EGFR: variants seen among roughly 807,000 people sequenced by gnomAD.
EGFR encodes avian erythroblastic leukemia viral (v-erb-b) oncogene homolog.
A neutral mutation model predicts 143.0 loss-of-function variants in EGFR; 58 were observed. The observed-to-expected ratio is 0.41, with a 90% CI of 0.33 to 0.50. The LOEUF is 0.50. EGFR is among the 20% of genes least tolerant of loss of function. The pLI is 0.39. For missense variants in EGFR, 1,307 were observed against 1,579.0 expected, an observed-to-expected ratio of 0.83 and a Z score of 2.92; for synonymous variants, 613 against 594.4, an observed-to-expected ratio of 1.03 and a Z score of -0.45.
intron 15 of EGFR, chr7:55,166,448 A>T: frequency 2.0e-6 from 1 of 491,434 alleles, no homozygotes; most frequent in Admixed American, 2.6e-5. Context: ...GTAAATTGGG[A>T]TAATAATGCT....
chr7:55,124,656 G>A (rs370964470), intron 1 of EGFR, among the ~76,000 whole-genome samples: 56 of 152,252 alleles, frequency 3.7e-4, no homozygotes, highest in Admixed American at 8.5e-4. Context: ...GTCAGGATCC[G>A]TTCCCTTCTG....
intron 1 of EGFR, among the ~76,000 whole-genome samples, chr7:55,083,517 T>C (rs1790587283): frequency 6.6e-6 from 1 of 152,180 alleles, no homozygotes; most frequent in African/African-American, 2.4e-5. Flanking sequence ...AAACACATGG[T>C]TGGTCACTCT....
chr7:55,051,503 TG>T (rs35450636), intron 1 of EGFR, among the ~76,000 whole-genome samples: 39,275 of 151,962 alleles, frequency 0.26, 6,839 homozygotes, highest in East Asian at 0.84. Context: ...CCTTCTGCCG[TG>T]GGGTGACACA....
chr7:55,184,105 G>T (rs1382009201), intron 20 of EGFR, among the ~76,000 whole-genome samples: 4 of 152,238 alleles, frequency 2.6e-5, no homozygotes, highest in African/African-American at 9.6e-5. Context: ...CACGTTGCTG[G>T]CCTGTCTGCG....
rs778955482 is a variant in EGFR at position 55,100,514 on chromosome 7, C to T, written c.89-41772C>T. 8.5e-5 allele frequency among the ~76,000 whole-genome samples: 13 copies of T among 152,352 alleles called. 1 individual carries two copies. Among genetic ancestry groups the T allele is most frequent in the South Asian group, 4.1e-4 (2 of 4,824 alleles). On this transcript the variant is annotated intron_variant, in intron 1 of 27. Transcript: ENST00000275493. Reference sequence around the variant, plus strand: ...ATGTCTGCAGGAAATTCTTCCCCTACGAGAGGTCTGTTTTCTAAGTTATCT... The same window carrying T: ...ATGTCTGCAGGAAATTCTTCCCCTATGAGAGGTCTGTTTTCTAAGTTATCT...
At chr7:55,144,683 C>T (rs1461385712) in intron 3 of EGFR, among the ~76,000 whole-genome samples, 1 of 152,086 alleles carries the variant, frequency 6.6e-6, no homozygotes, top group African/African-American at 2.4e-5. Flanking sequence ...GCTGTGCGTG[C>T]CTCCTGTGAG....
At chr7:55,094,846 T>C (rs771494098) in intron 1 of EGFR, among the ~76,000 whole-genome samples, 10 of 152,300 alleles carry the variant, frequency 6.6e-5, no homozygotes, top group Middle Eastern at 3.4e-3. Flanking sequence ...AAAACAAATA[T>C]TTCTTAAAAC....
chr7:55,050,131 G>A (rs955685841), intron 1 of EGFR, among the ~76,000 whole-genome samples: 1 of 152,162 alleles, frequency 6.6e-6, no homozygotes, highest in Non-Finnish European at 1.5e-5. Context: ...TAAAAGTGGA[G>A]TTCAGTGGCA....
At chr7:55,023,531 A>G (rs758723628) in intron 1 of EGFR, among the ~76,000 whole-genome samples, 1 of 151,572 alleles carries the variant, frequency 6.6e-6, no homozygotes, top group Non-Finnish European at 1.5e-5. Context: ...GGTGCCTGTA[A>G]TCCCAGCTAC....
chr7:55,104,068 C>T (rs546930070), intron 1 of EGFR, among the ~76,000 whole-genome samples: 5 of 152,266 alleles, frequency 3.3e-5, no homozygotes, highest in East Asian at 1.9e-4. Flanking sequence ...TTATAAAGGG[C>T]GTGTGCCTGT....
chr7:55,032,761 A>AT (rs1269579446), intron 1 of EGFR, among the ~76,000 whole-genome samples: 1 of 152,068 alleles, frequency 6.6e-6, no homozygotes, highest in Non-Finnish European at 1.5e-5. Context: ...GTCCCTTTGT[A>AT]TTTTTTTCTG....
intron 1 of EGFR, among the ~76,000 whole-genome samples, chr7:55,107,566 C>T (rs1358195869): frequency 6.6e-6 from 1 of 152,198 alleles, no homozygotes; most frequent in Non-Finnish European, 1.5e-5. Flanking sequence ...GAGACATCTG[C>T]ACAGAGTTCA....
chr7:55,141,195 A>G (rs921670624), intron 1 of EGFR, among the ~76,000 whole-genome samples: 10 of 152,200 alleles, frequency 6.6e-5, no homozygotes, highest in Non-Finnish European at 1.2e-4. Flanking sequence ...CACTCTTAAG[A>G]TAATTTGGGT....
intron 1 of EGFR, among the ~76,000 whole-genome samples, chr7:55,024,668 C>A (rs1017455598): frequency 5.1e-4 from 77 of 152,174 alleles, no homozygotes; most frequent in African/African-American, 1.6e-3. Flanking sequence ...AGTATTGGTA[C>A]CTGTTACAAC....
At chr7:55,189,377 G>A (rs1787287580) in intron 20 of EGFR, among the ~76,000 whole-genome samples, 1 of 152,072 alleles carries the variant, frequency 6.6e-6, no homozygotes, top group East Asian at 1.9e-4. Flanking sequence ...GAAAGGGCTG[G>A]CACATCGCCA....
intron 20 of EGFR, among the ~76,000 whole-genome samples, 196 bp from the exon 21 acceptor site, chr7:55,191,522 AG>A (rs1394648434): frequency 1.3e-5 from 2 of 152,150 alleles, no homozygotes; most frequent in African/African-American, 4.8e-5. Flanking sequence ...GATGGAGAAA[AG>A]TTAATGGTCA....
chr7:55,125,805 T>G (rs1018981238), intron 1 of EGFR, among the ~76,000 whole-genome samples: 1 of 152,212 alleles, frequency 6.6e-6, no homozygotes, highest in Non-Finnish European at 1.5e-5. Context: ...AGATGCCATC[T>G]AGGACCCCCT....
At chr7:55,114,411 A>G (rs117779630) in intron 1 of EGFR, among the ~76,000 whole-genome samples, 1,650 of 152,292 alleles carry the variant, frequency 0.011, 8 homozygotes, top group Middle Eastern at 0.024. Flanking sequence ...ACTTGAGCCC[A>G]GGAGTTCAAG....
At chr7:55,192,620 A>T in intron 21 of EGFR, 146 bp from the exon 22 acceptor site, 1 of 735,324 alleles carries the variant, frequency 1.4e-6, no homozygotes, top group East Asian at 2.7e-5. Flanking sequence ...TGTTGCCGGG[A>T]GGAGGCGCCG....
Sources: gnomAD v4.1 joint callset for allele counts (sites outside exome capture counted in the v4.1 genomes callset) on GRCh38, gnomAD v4.1.1 for gene constraint, MANE v1.5 for transcripts, NCBI Gene and HGNC (gene_info 2026-07-23, HGNC 2026-07-21) for gene names.